SPOCK3: variants seen among roughly 807,000 people sequenced by gnomAD.
The protein encoded by SPOCK3 is testican-3.
In SPOCK3, 30 loss-of-function variants were observed where a neutral mutation model predicts 56.6. The ratio of observed to expected loss-of-function variants is 0.53; its 90% CI spans 0.40 to 0.72. The LOEUF is 0.72. Ranked by LOEUF, SPOCK3 falls within the 30% of genes least tolerant of loss-of-function variation. The pLI, the probability that SPOCK3 is intolerant of heterozygous loss-of-function variation, is 0.00. For synonymous variants in SPOCK3, 196 were observed against 183.3 expected (o/e 1.07, Z -0.56); for missense variants, 527 against 530.0 (o/e 0.99, Z 0.06).
At chr4:166,750,123 C>A (rs113930870) in intron 8 of SPOCK3, among the ~76,000 whole-genome samples, 9 of 152,202 alleles carry the variant, frequency 5.9e-5, no homozygotes, top group African/African-American at 2.2e-4. Context: ...AAAATCATGA[C>A]TGATTGGATT....
intron 3 of SPOCK3, among the ~76,000 whole-genome samples, chr4:167,052,222 T>C (rs1282953217): frequency 2.0e-5 from 3 of 152,302 alleles, no homozygotes; most frequent in Non-Finnish European, 4.4e-5. Flanking sequence ...GAAGTAAGAA[T>C]TGGATAATGA....
intron 6 of SPOCK3, among the ~76,000 whole-genome samples, chr4:166,887,038 T>C (rs1734271947): frequency 6.6e-6 from 1 of 152,194 alleles, no homozygotes; most frequent in Non-Finnish European, 1.5e-5. Context: ...AAATGATCTT[T>C]ATCCCTTGAT....
chr4:167,050,030 G>T (rs754445821), intron 3 of SPOCK3, among the ~76,000 whole-genome samples: 3 of 152,164 alleles, frequency 2.0e-5, no homozygotes, highest in Non-Finnish European at 4.4e-5. Context: ...ACTTTTTAAG[G>T]TAGTGTAAGT....
At position 167,084,916 on chromosome 4, in the gene SPOCK3, C is replaced by T. The variant is rs114485765; in HGVS notation, c.190-22379G>A. 4.7e-3 allele frequency among the ~76,000 whole-genome samples: 708 copies of T among 152,052 alleles called. 4 individuals carry two copies. The highest frequency in any genetic ancestry group is 7.5e-3 in the Non-Finnish European group (508 of 67,954). The stretch of plus-strand genomic sequence containing the variant: ...TAAAAAGTCTTGTAGGTACAAACAG[C>T]CCCTGGAAATTCAGTTTGACAGTGG... On this transcript the variant is annotated intron_variant, in intron 2 of 10. Coordinates refer to ENST00000357545, the MANE Select transcript of SPOCK3 (RefSeq NM_001040159.2).
intron 2 of SPOCK3, among the ~76,000 whole-genome samples, chr4:167,103,614 T>A (rs976055161): frequency 2.0e-5 from 3 of 152,156 alleles, no homozygotes; most frequent in Admixed American, 1.3e-4. Flanking sequence ...CTGACTTCAG[T>A]TCCTGGCTCC....
At chr4:167,011,264 C>T (rs776663862) in intron 3 of SPOCK3, 2 of 456,004 alleles carry the variant, frequency 4.4e-6, no homozygotes, top group South Asian at 3.1e-5. Flanking sequence ...TGGCAATATT[C>T]ACATCACACA....
rs77098566 is a variant in SPOCK3, at chr4:167,212,235, A to G, written c.189+21750T>C. On this transcript the variant is annotated intron_variant, in intron 2 of 10. Transcript: ENST00000357545. Reference sequence around the variant, plus strand: ...TTTTGTTTATTTGACTTTTTAAAAAAGATTTACTTTTTTTTTTTTGAAACA... The same window carrying G: ...TTTTGTTTATTTGACTTTTTAAAAAGGATTTACTTTTTTTTTTTTGAAACA... Among the ~76,000 whole-genome samples, 25 of 152,180 alleles carry G rather than the reference A, an allele frequency of 1.6e-4. No individual in the cohort carries two copies. In the East Asian group the frequency reaches 4.5e-3, roughly 27 times the overall value.
chr4:166,874,330 T>G (rs1437488990), intron 6 of SPOCK3, among the ~76,000 whole-genome samples: 1 of 152,142 alleles, frequency 6.6e-6, no homozygotes, highest in South Asian at 2.1e-4. Flanking sequence ...ATATCTCTGA[T>G]TTCAAAGTCT....
chr4:167,092,491 A>G (rs1758791640), intron 2 of SPOCK3, among the ~76,000 whole-genome samples: 3 of 152,094 alleles, frequency 2.0e-5, no homozygotes, highest in South Asian at 2.1e-4. Flanking sequence ...GATTTGATAA[A>G]ATGTATTTGA....
At chr4:167,100,986 CAT>C (rs1189622953) in intron 2 of SPOCK3, among the ~76,000 whole-genome samples, 2 of 152,074 alleles carry the variant, frequency 1.3e-5, no homozygotes, top group African/African-American at 4.8e-5. Flanking sequence ...TCCTGGAACC[CAT>C]GCATGGTAAT....
chr4:167,062,268 T>A (rs573903462), intron 3 of SPOCK3, among the ~76,000 whole-genome samples: 186 of 151,890 alleles, frequency 1.2e-3, no homozygotes, highest in African/African-American at 4.3e-3. Context: ...ATCTAAAACA[T>A]GTATCTAAAA....
intron 2 of SPOCK3, among the ~76,000 whole-genome samples, chr4:167,073,843 T>C (rs776428452): frequency 6.6e-6 from 1 of 151,936 alleles, no homozygotes; most frequent in Admixed American, 6.6e-5. Flanking sequence ...TAAAATATGA[T>C]TCATTCTTAT....
chr4:166,777,878 T>G (rs920864898), intron 7 of SPOCK3, among the ~76,000 whole-genome samples: 2 of 152,212 alleles, frequency 1.3e-5, no homozygotes, highest in African/African-American at 4.8e-5. Flanking sequence ...ATAATGACTA[T>G]TTTGCATTGT....
chr4:166,795,331 C>T (rs1482411502), intron 6 of SPOCK3, among the ~76,000 whole-genome samples: 6 of 152,096 alleles, frequency 3.9e-5, no homozygotes. Flanking sequence ...AGTCGCATCC[C>T]AGATTCTTAG....
chr4:167,023,156 T>C, intron 3 of SPOCK3, among the ~76,000 whole-genome samples: 1 of 152,112 alleles, frequency 6.6e-6, no homozygotes, highest in South Asian at 2.1e-4. Context: ...TACAGATGTT[T>C]GCCAAAACTG....
intron 7 of SPOCK3, among the ~76,000 whole-genome samples, chr4:166,785,740 CT>C (rs1362574733): frequency 6.6e-6 from 1 of 152,048 alleles, no homozygotes; most frequent in East Asian, 1.9e-4. Flanking sequence ...AGCTTTTACC[CT>C]TTTAATCCAA....
intron 3 of SPOCK3, among the ~76,000 whole-genome samples, chr4:167,025,926 A>G (rs970466553): frequency 6.6e-6 from 1 of 152,060 alleles, no homozygotes; most frequent in African/African-American, 2.4e-5. Flanking sequence ...CTCCTAGGCT[A>G]CAAACCTGTA....
At chr4:166,912,767 T>C (rs758723157) in intron 4 of SPOCK3, 24 bp from the exon 5 acceptor site, 1 of 1,571,506 alleles carries the variant, frequency 6.4e-7, no homozygotes, top group Non-Finnish European at 8.6e-7. Flanking sequence ...AAAGCAAGCA[T>C]ATTGAGCATA....
chr4:167,071,193 G>C (rs1159049104), intron 2 of SPOCK3, among the ~76,000 whole-genome samples: 6 of 151,862 alleles, frequency 4.0e-5, no homozygotes, highest in African/African-American at 1.5e-4. Flanking sequence ...ATTTATGTCA[G>C]AGAAAGACAC....
Sources: allele counts gnomAD v4.1 joint callset (sites outside exome capture counted in the v4.1 genomes callset), GRCh38; gene constraint gnomAD v4.1.1; transcripts MANE v1.5; gene names NCBI Gene and HGNC (gene_info 2026-07-23, HGNC 2026-07-21).